NAV3: variants seen among roughly 807,000 people sequenced by gnomAD.
NAV3 encodes pore membrane and/or filament interacting like protein 1.
NAV3 carries 87 observed loss-of-function variants against 244.7 expected under a neutral mutation model. The ratio of observed to expected loss-of-function variants is 0.36; its 90% confidence interval spans 0.30 to 0.42. NAV3 has a LOEUF of 0.42. NAV3 is among the 20% of genes least tolerant of loss of function. The probability of loss-of-function intolerance (pLI) is 1.00; values close to 1 mark genes in which losing one functional copy is unlikely to be tolerated. For synonymous variants in NAV3, 1,126 were observed against 1,042.2 expected (o/e 1.08, Z -1.55); for missense variants, 2,663 against 2,893.3 (o/e 0.92, Z 1.83).
intron 23 of NAV3, among the ~76,000 whole-genome samples, chr12:78,161,988 G>A (rs919836900): frequency 1.3e-5 from 2 of 152,060 alleles, no homozygotes; most frequent in African/African-American, 4.8e-5. Flanking sequence ...GAGATTGTTA[G>A]GTGTGTTTTA....
chr12:78,202,716 G>T (rs557110802), intron 38 of NAV3, among the ~76,000 whole-genome samples: 2 of 152,122 alleles, frequency 1.3e-5, no homozygotes, highest in East Asian at 1.9e-4. Flanking sequence ...GGGCTTTTTG[G>T]GGGAGGGGAA....
intron 2 of NAV3, among the ~76,000 whole-genome samples, chr12:77,703,136 A>G (rs751053747): frequency 6.6e-6 from 1 of 152,082 alleles, no homozygotes; most frequent in African/African-American, 2.4e-5. Flanking sequence ...CAATCTGGAT[A>G]TAGAACATTT....
intron 3 of NAV3, among the ~76,000 whole-genome samples, chr12:77,950,119 C>T (rs1228007496): frequency 6.6e-6 from 1 of 152,118 alleles, no homozygotes; most frequent in East Asian, 1.9e-4. Flanking sequence ...AACTGCTATA[C>T]ATTTCCATGG....
intron 2 of NAV3, among the ~76,000 whole-genome samples, chr12:77,597,436 A>G (rs781475809): frequency 1.4e-4 from 21 of 152,104 alleles, no homozygotes; most frequent in Non-Finnish European, 2.9e-4. Flanking sequence ...CTTCTAGGGC[A>G]TAGACGAGGC....
At chr12:77,733,317 A>C (rs1877202709) in intron 2 of NAV3, among the ~76,000 whole-genome samples, 1 of 152,028 alleles carries the variant, frequency 6.6e-6, no homozygotes, top group Admixed American at 6.6e-5. Context: ...ATTTATCAAT[A>C]AGAGAAAAAC....
chr12:77,694,290 C>A (rs1012850032), intron 2 of NAV3, among the ~76,000 whole-genome samples: 1 of 151,268 alleles, frequency 6.6e-6, no homozygotes, highest in African/African-American at 2.4e-5. Context: ...CATGGTGAAA[C>A]CCCATCTCTA....
At chr12:78,014,864 A>G (rs1217607104) in intron 8 of NAV3, among the ~76,000 whole-genome samples, 1 of 152,114 alleles carries the variant, frequency 6.6e-6, no homozygotes, top group East Asian at 1.9e-4. Context: ...TGAACTGGGC[A>G]TAATTGACTA....
intron 24 of NAV3, among the ~76,000 whole-genome samples, chr12:78,173,340 T>C (rs1051947264): frequency 6.6e-6 from 1 of 151,678 alleles, no homozygotes; most frequent in Non-Finnish European, 1.5e-5. Flanking sequence ...AGGATTACTA[T>C]CTTTTTAAAA....
chr12:78,000,749 C>T (rs1440081305), intron 7 of NAV3, among the ~76,000 whole-genome samples: 16 of 149,712 alleles, frequency 1.1e-4, no homozygotes, highest in South Asian at 6.4e-4. Context: ...GTGATCCGCC[C>T]GCCTCGGCCT....
intron 2 of NAV3, among the ~76,000 whole-genome samples, chr12:77,710,902 T>C (rs1876079550): frequency 6.6e-6 from 1 of 152,000 alleles, no homozygotes; most frequent in African/African-American, 2.4e-5. Flanking sequence ...TTTAACATAA[T>C]TTTAAAAAAT....
intron 2 of NAV3, among the ~76,000 whole-genome samples, chr12:77,728,025 A>G (rs1030699317): frequency 2.6e-5 from 4 of 151,890 alleles, no homozygotes; most frequent in Admixed American, 2.6e-4. Flanking sequence ...GAAGTAAAGA[A>G]CAAAATATTT....
chr12:78,009,742 CT>C (rs1874929222), intron 8 of NAV3, among the ~76,000 whole-genome samples: 1 of 152,150 alleles, frequency 6.6e-6, no homozygotes, highest in African/African-American at 2.4e-5. Flanking sequence ...CTTCCCTAAA[CT>C]TCACTTTCTA....
intron 1 of NAV3, among the ~76,000 whole-genome samples, chr12:77,840,175 G>C (rs566466275): frequency 3.3e-5 from 5 of 152,198 alleles, no homozygotes; most frequent in Non-Finnish European, 5.9e-5. Flanking sequence ...CTATGAAATA[G>C]TGTGTTGTGT....
chr12:77,986,880 T>A (rs1284836478), intron 5 of NAV3, among the ~76,000 whole-genome samples: 1 of 152,124 alleles, frequency 6.6e-6, no homozygotes, highest in Non-Finnish European at 1.5e-5. Flanking sequence ...AGAAAAAAAA[T>A]GTTCCATGAT....
chr12:78,143,657 GA>G (rs1956731226), intron 20 of NAV3, among the ~76,000 whole-genome samples: 2 of 150,856 alleles, frequency 1.3e-5, no homozygotes, highest in Non-Finnish European at 3.0e-5. Flanking sequence ...AAAAGAGGGA[GA>G]GGGGAGGGAG....
intron 3 of NAV3, chr12:77,947,588 C>T (rs1362932836): frequency 6.6e-6 from 1 of 151,778 alleles, no homozygotes; most frequent in East Asian, 1.9e-4. Context: ...CACATGATCC[C>T]TTGACTTTGA....
intron 3 of NAV3, among the ~76,000 whole-genome samples, chr12:77,942,214 A>G (rs1889936107): frequency 6.6e-6 from 1 of 152,054 alleles, no homozygotes; most frequent in Non-Finnish European, 1.5e-5. Context: ...CTCTACTAAA[A>G]TTACAAAATT....
At chr12:77,644,980 T>G (rs868055666) in intron 2 of NAV3, among the ~76,000 whole-genome samples, 3 of 152,172 alleles carry the variant, frequency 2.0e-5, no homozygotes, top group South Asian at 2.1e-4. Context: ...ACCCAAGGTC[T>G]CTAAAAAGGG....
intron 8 of NAV3, among the ~76,000 whole-genome samples, chr12:78,017,560 A>G (rs1367134217): frequency 6.6e-6 from 1 of 152,180 alleles, no homozygotes; most frequent in African/African-American, 2.4e-5. Flanking sequence ...ACATAGGACC[A>G]TGTTGCTGAA....
Sources: gnomAD v4.1 joint callset for allele counts (sites outside exome capture counted in the v4.1 genomes callset) on GRCh38, gnomAD v4.1.1 for gene constraint, MANE v1.5 for transcripts, NCBI Gene and HGNC (gene_info 2026-07-23, HGNC 2026-07-21) for gene names.